The following QSER1 variants were observed in gnomAD, a reference collection of about 807,000 sequenced individuals.
QSER1 encodes the protein glutamine and serine-rich protein 1.
In QSER1, 49 loss-of-function variants were observed where a neutral mutation model predicts 158.5. The observed-to-expected ratio is 0.31, with a 90% CI of 0.25 to 0.39. The LOEUF (loss-of-function observed/expected upper bound fraction) is 0.39, where lower values mean the gene tolerates loss of function less well. Among genes scored for constraint, QSER1 ranks in the 10% least tolerant of loss-of-function variants. The pLI is 1.00. For missense variants in QSER1, 1,754 were observed against 2,010.3 expected, an observed-to-expected ratio of 0.87 and a Z score of 2.44; for synonymous variants, 650 against 715.5, an observed-to-expected ratio of 0.91 and a Z score of 1.46.
chr11:32,976,067 T>C (rs1229684382), intron 12 of QSER1, among the ~76,000 whole-genome samples: 1 of 152,212 alleles, frequency 6.6e-6, no homozygotes, highest in African/African-American at 2.4e-5. Flanking sequence ...GTTTTTACAA[T>C]GCTCTAAAAT....
chr11:32,957,117 TTTTTTTCTTTTTTTTTC>T (rs1852528574), intron 7 of QSER1, among the ~76,000 whole-genome samples: 10 of 149,192 alleles, frequency 6.7e-5, no homozygotes, highest in Non-Finnish European at 8.9e-5. Context: ...GGGTTTTTCT[TTTTTTTCTTTTTTTTTC>T]TTTTTTTTTT....
intron 1 of QSER1, among the ~76,000 whole-genome samples, chr11:32,918,917 T>G (rs1371305736): frequency 1.3e-5 from 2 of 152,154 alleles, no homozygotes; most frequent in Non-Finnish European, 2.9e-5. Context: ...CTGTTTTAGA[T>G]TTACAGAAAA....
intron 4 of QSER1, among the ~76,000 whole-genome samples, chr11:32,951,947 C>T (rs1449869385): frequency 2.0e-5 from 3 of 151,070 alleles, no homozygotes; most frequent in African/African-American, 7.3e-5. Flanking sequence ...AAGCAATTCT[C>T]CTGCCTCAGC....
At chr11:32,930,805 AAC>A (rs201354635) in intron 3 of QSER1, among the ~76,000 whole-genome samples, 2,836 of 152,314 alleles carry the variant, frequency 0.019, 45 homozygotes, top group South Asian at 0.038. Context: ...ATTTCTATAG[AAC>A]TTTCAGATCA....
intron 9 of QSER1, among the ~76,000 whole-genome samples, chr11:32,967,637 CAT>C (rs1352377070): frequency 3.9e-5 from 6 of 152,118 alleles, no homozygotes; most frequent in Non-Finnish European, 8.8e-5. Flanking sequence ...CATACTTAGA[CAT>C]ATATTCTAAT....
Position 32,976,508 on chromosome 11 carries a change from TAATGA to T in QSER1, c.*39_*43del, listed in dbSNP as rs757786252. 25 of 1,605,918 alleles carry T rather than the reference TAATGA, an allele frequency of 1.6e-5. No individual in the cohort carries two copies. The highest frequency in any genetic ancestry group is 2.1e-5 in the Non-Finnish European group (25 of 1,175,658). On this transcript the variant is annotated 3_prime_UTR_variant, in exon 13 of 13. Transcript: ENST00000650167. ...CAAAAATCCCATCTTTTTATAGCAC[TAATGA>T]AATGGCAGATATGGGGTGGTCAAAG... is the stretch of plus-strand genomic sequence containing the variant.
At chr11:32,970,490 C>T (rs892465223) in intron 10 of QSER1, among the ~76,000 whole-genome samples, 8 of 152,104 alleles carry the variant, frequency 5.3e-5, no homozygotes, top group African/African-American at 1.9e-4. Context: ...CTGCCATCTC[C>T]ACCTCCTGAG....
chr11:32,906,198 G>A (rs1049869204), intron 1 of QSER1, among the ~76,000 whole-genome samples: 8 of 151,080 alleles, frequency 5.3e-5, no homozygotes, highest in Non-Finnish European at 1.0e-4. Context: ...TGAGGCGGGT[G>A]GATCACTTGA....
At chr11:32,943,866 G>C (rs1852283685) in intron 4 of QSER1, among the ~76,000 whole-genome samples, 1 of 151,908 alleles carries the variant, frequency 6.6e-6, no homozygotes, top group African/African-American at 2.4e-5. Flanking sequence ...ATCTGGTCCT[G>C]GACTCTTTTT....
At chr11:32,909,366 ACT>A (rs2133504129) in intron 1 of QSER1, among the ~76,000 whole-genome samples, 1 of 151,840 alleles carries the variant, frequency 6.6e-6, no homozygotes, top group East Asian at 1.9e-4. Flanking sequence ...TGATATTTTC[ACT>A]GATTTTTTTT....
In QSER1 at chr11:32,934,448, G is replaced by C. The variant is rs868373139; in HGVS notation, c.3190G>C (p.Ala1064Pro). Residue 1064 changes from alanine to proline, a missense_variant, in exon 4 of 13, where the codon GCC becomes CCC. Ala to Pro is a conservative substitution (Grantham distance 27). Transcript: ENST00000650167. ...TACTGTGAACCTTTCACCAGTACCT[G>C]CCCTTCAGTCAAAAATGACTCTTGA... ...QVTVNLSPVPALQSKMTLDQQ... is the reference protein window; with the variant it reads ...QVTVNLSPVPPLQSKMTLDQQ... The C allele has an allele frequency of 6.2e-7, 1 of 1,613,658 alleles. No homozygotes were observed. Among genetic ancestry groups the C allele is most frequent in the Non-Finnish European group, 8.5e-7 (1 of 1,180,010 alleles).
intron 9 of QSER1, among the ~76,000 whole-genome samples, chr11:32,968,347 T>G (rs1392420909): frequency 6.6e-6 from 1 of 152,146 alleles, no homozygotes; most frequent in Non-Finnish European, 1.5e-5. Flanking sequence ...GCTGGTAAAT[T>G]AAGAAAGAAT....
intron 8 of QSER1, among the ~76,000 whole-genome samples, chr11:32,959,056 C>T (rs1033117040): frequency 2.0e-5 from 3 of 151,928 alleles, no homozygotes; most frequent in Non-Finnish European, 2.9e-5. Flanking sequence ...AAGAATATAC[C>T]AGCACACAAA....
At chr11:32,903,059 A>G (rs1851645594) in intron 1 of QSER1, among the ~76,000 whole-genome samples, 1 of 152,172 alleles carries the variant, frequency 6.6e-6, no homozygotes, top group Non-Finnish European at 1.5e-5. Flanking sequence ...AGTCAGAAAG[A>G]GGTTTAATGA....
In QSER1 at chr11:32,923,503, G is replaced by A. The variant is rs945243936; in HGVS notation, c.210-3654G>A. Among the ~76,000 whole-genome samples the A allele has an allele frequency of 9.1e-4, 137 of 151,294 alleles. 1 individual carries two copies. Among genetic ancestry groups the A allele is most frequent in the African/African-American group, 3.1e-3 (127 of 41,136 alleles). ...AGCCTGACCAACATGGCAAAACCCC[G>A]TCTCTACTAAAAATACAAAAAAAAA... On this transcript the variant is annotated intron_variant, in intron 1 of 12. Coordinates refer to ENST00000650167, the MANE Select transcript of QSER1 (RefSeq NM_001076786.3).
chr11:32,913,436 G>T (rs1296666749), intron 1 of QSER1, among the ~76,000 whole-genome samples: 1 of 151,796 alleles, frequency 6.6e-6, no homozygotes, highest in Non-Finnish European at 1.5e-5. Context: ...CTCATGATCC[G>T]CCCACCTTGG....
Position 32,932,461 on chromosome 11 carries a change from G to C in QSER1, c.1203G>C (p.Gly401=). 6.2e-7 allele frequency: 1 copy of C among 1,613,546 alleles called. No homozygotes were observed. The highest frequency in any genetic ancestry group is 8.5e-7 in the Non-Finnish European group (1 of 1,180,002). The change falls in exon 4 of 13, where the codon GGG becomes GGC. Residue 401 remains glycine (G), a synonymous_variant. Coordinates refer to ENST00000650167, the MANE Select transcript of QSER1 (RefSeq NM_001076786.3). Reference sequence around the variant, plus strand: ...ACTCATCTGCGATTCCATCATCAGGGTATCCTCCTTCTACTACAAAAATAA... The same window carrying C: ...ACTCATCTGCGATTCCATCATCAGGCTATCCTCCTTCTACTACAAAAATAA... ...QSYSSAIPSS[G]YPPSTTKIKS...
intron 7 of QSER1, 71 bp downstream of exon 7, chr11:32,956,192 G>A (rs905603723): frequency 7.7e-7 from 1 of 1,304,518 alleles, no homozygotes; most frequent in African/African-American, 1.5e-5. Context: ...AATGTACAAA[G>A]GAGCATATCA....
intron 1 of QSER1, among the ~76,000 whole-genome samples, chr11:32,906,726 G>C (rs1029928877): frequency 1.3e-5 from 2 of 152,022 alleles, no homozygotes; most frequent in South Asian, 4.1e-4. Context: ...AACAACACTT[G>C]TACAGAAAAT....
Sources: gnomAD v4.1 joint callset for allele counts (sites outside exome capture counted in the v4.1 genomes callset) on GRCh38, gnomAD v4.1.1 for gene constraint, MANE v1.5 for transcripts, NCBI Gene and HGNC (gene_info 2026-07-23, HGNC 2026-07-21) for gene names.